The following SLC22A23 variants were observed in gnomAD, a reference collection of about 807,000 sequenced individuals.
The protein encoded by SLC22A23 is ion transporter protein.
A neutral mutation model predicts 61.0 loss-of-function variants in SLC22A23; 26 were observed. The observed-to-expected ratio is 0.43, with a 90% CI of 0.31 to 0.59. SLC22A23 has a LOEUF of 0.59. Among genes scored for constraint, SLC22A23 ranks in the 20% least tolerant of loss-of-function variants. SLC22A23 has a pLI of 0.11. For synonymous variants in SLC22A23, 430 were observed against 413.9 expected (o/e 1.04, Z -0.47); for missense variants, 796 against 934.7 (o/e 0.85, Z 1.94).
intron 3 of SLC22A23, among the ~76,000 whole-genome samples, chr6:3,366,247 T>C (rs752827302): frequency 1.4e-5 from 2 of 146,050 alleles, no homozygotes; most frequent in African/African-American, 2.6e-5. Context: ...GCAGGAGAAT[T>C]GCTTGAACCC....
At chr6:3,282,998 G>A (rs193019289) in intron 9 of SLC22A23, among the ~76,000 whole-genome samples, 29 of 152,288 alleles carry the variant, frequency 1.9e-4, no homozygotes, top group African/African-American at 6.5e-4. Context: ...CCACGAGGGC[G>A]GGACTGTGCT....
At chr6:3,362,812 G>A (rs1271173602) in intron 3 of SLC22A23, among the ~76,000 whole-genome samples, 1 of 151,900 alleles carries the variant, frequency 6.6e-6, no homozygotes, top group Non-Finnish European at 1.5e-5. Flanking sequence ...ATGAAATGCA[G>A]ACATTAAGGA....
In SLC22A23 at chr6:3,394,443, A is replaced by G. The variant is rs543059816; in HGVS notation, c.913+15745T>C. Among the ~76,000 whole-genome samples, 30 of 152,364 alleles carry G rather than the reference A, an allele frequency of 2.0e-4. 1 individual carries two copies. The South Asian group carries it at 6.2e-3, about 32-fold the overall frequency. ...CTTTTCAGTGGCAAAACTGTCAAGA[A>G]CAGGAATGATTGTGGTAAATTTCAT... On this transcript the variant is annotated intron_variant, in intron 3 of 9. Transcript: ENST00000406686.
rs1762700887 is a variant in SLC22A23, at chr6:3,317,349, C to T, written c.1082+6485G>A. Among the ~76,000 whole-genome samples the T allele has an allele frequency of 6.6e-6, 1 of 152,180 alleles. No individual in the cohort carries two copies. The highest frequency in any genetic ancestry group is 2.4e-5 in the African/African-American group (1 of 41,436). Reference sequence around the variant, plus strand: ...GGCTGTGGCCACCTGGAAGGGGCACCTTTCCGCAGTGTGCACAATTTCAGA... The same window carrying T: ...GGCTGTGGCCACCTGGAAGGGGCACTTTTCCGCAGTGTGCACAATTTCAGA... On this transcript the variant is annotated intron_variant, in intron 4 of 9. Coordinates refer to ENST00000406686, the MANE Select transcript of SLC22A23 (RefSeq NM_015482.2). The surrounding 1 kb of genome is among the most constrained non-coding windows in gnomAD (Gnocchi z 4.4).
chr6:3,340,420 G>A (rs973520256), intron 3 of SLC22A23, among the ~76,000 whole-genome samples: 1 of 152,142 alleles, frequency 6.6e-6, no homozygotes, highest in African/African-American at 2.4e-5. Flanking sequence ...CTGGCCTGGG[G>A]ACCCATACGT....
intron 3 of SLC22A23, among the ~76,000 whole-genome samples, chr6:3,361,835 A>G (rs1464980900): frequency 6.6e-6 from 1 of 152,202 alleles, no homozygotes; most frequent in Non-Finnish European, 1.5e-5. Context: ...CAAGCGGGAA[A>G]CACGTGCCGG....
At chr6:3,363,012 A>C (rs1765579332) in intron 3 of SLC22A23, among the ~76,000 whole-genome samples, 1 of 152,254 alleles carries the variant, frequency 6.6e-6, no homozygotes, top group Non-Finnish European at 1.5e-5. Context: ...TTTGATCTGC[A>C]TTCCCACTTG....
chr6:3,352,522 G>C (rs999616676), intron 3 of SLC22A23, among the ~76,000 whole-genome samples: 1 of 152,094 alleles, frequency 6.6e-6, no homozygotes. Context: ...CAGACAGAGA[G>C]AAAGAGAGCA....
rs1769146545 is a variant in SLC22A23, at chr6:3,410,461, T to C, written c.759-119A>G. ...TGTTGAATGAGTACTGGGTAAAAAG[T>C]CCTGTGCCATCTATACCCACTTCAC... On this transcript the variant is annotated intron_variant, in intron 2 of 9. Coordinates refer to ENST00000406686, the MANE Select transcript of SLC22A23 (RefSeq NM_015482.2). This position sits in a 1 kb window ranked among gnomAD's most constrained non-coding sequence, Gnocchi z 5.0. 2 of 1,065,584 alleles carry C rather than the reference T, an allele frequency of 1.9e-6. No homozygotes were observed. Among genetic ancestry groups the C allele is most frequent in the African/African-American group, 1.6e-5 (1 of 61,382 alleles). 66.0% of individuals were successfully genotyped at this position (1,065,584 alleles called of 1,614,324 possible). A position where few individuals can be genotyped will look rare whatever the true frequency, so the allele number is the denominator to read the frequency against.
chr6:3,286,884 T>C lies in SLC22A23; in HGVS notation c.1521A>G (p.Ser507=), dbSNP rs6910086. 0.92 allele frequency: 1,484,370 copies of C among 1,606,104 alleles called. 688,132 individuals are homozygous for C. The highest frequency in any genetic ancestry group is 0.97 in the African/African-American group (72,257 of 74,854). Residue 507 remains serine (S), a synonymous_variant, in exon 7 of 10, where the codon TCA becomes TCG. Coordinates refer to ENST00000406686, the MANE Select transcript of SLC22A23 (RefSeq NM_015482.2). This position sits in a 1 kb window ranked among gnomAD's most constrained non-coding sequence, Gnocchi z 4.2. ...LLFMILTALA[S]LLQLGLLNLI... is the part of the protein sequence containing the mutation. ...GGTTGAGGAGGCCGAGCTGCAGGAGTGAGGCCAGGGCGGTGAGGATCATGA... is the reference window on the plus strand; with the variant it reads ...GGTTGAGGAGGCCGAGCTGCAGGAGCGAGGCCAGGGCGGTGAGGATCATGA...
At chr6:3,343,916 A>G (rs1343954103) in intron 3 of SLC22A23, among the ~76,000 whole-genome samples, 1 of 152,238 alleles carries the variant, frequency 6.6e-6, no homozygotes, top group Non-Finnish European at 1.5e-5. Flanking sequence ...TATTGAGAAT[A>G]TTTTCTCAAG....
At chr6:3,288,416 T>C (rs1760256368) in intron 6 of SLC22A23, among the ~76,000 whole-genome samples, 1 of 152,198 alleles carries the variant, frequency 6.6e-6, no homozygotes, top group Non-Finnish European at 1.5e-5. Flanking sequence ...CCTTTCCTCT[T>C]GGGAAATAGG....
intron 1 of SLC22A23, among the ~76,000 whole-genome samples, chr6:3,450,812 G>A (rs1216832226): frequency 6.6e-6 from 1 of 152,182 alleles, no homozygotes; most frequent in Non-Finnish European, 1.5e-5. Context: ...GTCATCATAT[G>A]ATAACTAGGA....
intron 3 of SLC22A23, among the ~76,000 whole-genome samples, chr6:3,359,901 T>A (rs1196182503): frequency 6.6e-6 from 1 of 152,172 alleles, no homozygotes; most frequent in Admixed American, 6.5e-5. Flanking sequence ...TATGCTATAG[T>A]ATAAAGGAAG....
chr6:3,430,020 C>T (rs1770755682), intron 1 of SLC22A23, among the ~76,000 whole-genome samples: 2 of 152,154 alleles, frequency 1.3e-5, no homozygotes, highest in Admixed American at 1.3e-4. Flanking sequence ...GAACTATACA[C>T]TTAAAATGGT....
intron 3 of SLC22A23, among the ~76,000 whole-genome samples, chr6:3,404,150 TC>T (rs1467182352): frequency 2.0e-5 from 3 of 152,236 alleles, no homozygotes; most frequent in Non-Finnish European, 2.9e-5. Context: ...ATCCAAATAC[TC>T]TAATTTTAAA....
chr6:3,420,825 C>A (rs1357670861), intron 1 of SLC22A23, among the ~76,000 whole-genome samples: 1 of 152,172 alleles, frequency 6.6e-6, no homozygotes, highest in East Asian at 1.9e-4. Flanking sequence ...ATGAAGACGG[C>A]CAGGTGCAGT....
At chr6:3,289,091 C>G (rs1016989067) in intron 6 of SLC22A23, among the ~76,000 whole-genome samples, 2 of 152,266 alleles carry the variant, frequency 1.3e-5, no homozygotes, top group Non-Finnish European at 2.9e-5. Flanking sequence ...CCCTCCGCCA[C>G]CTTGGTGACC....
At position 3,298,840 on chromosome 6, in the gene SLC22A23, C is replaced by T. The variant is rs574609689; in HGVS notation, c.1083-622G>A. On this transcript the variant is annotated intron_variant, in intron 4 of 9. Transcript: ENST00000406686. ...ACAAAAAATTAGCCGGGCGCAGTGG[C>T]GGGCGCCTGTAGTCCCAGCTACTCG... 5.2e-3 allele frequency among the ~76,000 whole-genome samples: 788 copies of T among 151,598 alleles called. 4 individuals are homozygous for T. Among genetic ancestry groups the T allele is most frequent in the African/African-American group, 0.018 (750 of 41,272 alleles).
Sources: allele counts gnomAD v4.1 joint callset (sites outside exome capture counted in the v4.1 genomes callset), GRCh38; gene constraint gnomAD v4.1.1; non-coding constraint Gnocchi (gnomAD v3.1); transcripts MANE v1.5; gene names NCBI Gene and HGNC (gene_info 2026-07-23, HGNC 2026-07-21).